The following ZNF800 variants were observed in gnomAD, a reference collection of about 807,000 sequenced individuals.
ZNF800 encodes zinc finger protein 800.
A neutral mutation model predicts 59.5 loss-of-function variants in ZNF800; 13 were observed. That is an observed-to-expected ratio of 0.22 (90% CI 0.14 to 0.35). ZNF800 has a LOEUF of 0.35. Among genes scored for constraint, ZNF800 ranks in the 10% least tolerant of loss-of-function variants. The pLI is 1.00. For missense variants in ZNF800, 621 were observed against 783.7 expected, an observed-to-expected ratio of 0.79 and a Z score of 2.48; for synonymous variants, 266 against 265.7, an observed-to-expected ratio of 1.00 and a Z score of -0.01.
intron 2 of ZNF800, among the ~76,000 whole-genome samples, chr7:127,387,137 A>G (rs1801160143): frequency 6.6e-6 from 1 of 152,198 alleles, no homozygotes; most frequent in Non-Finnish European, 1.5e-5. Context: ...AGATTCTCAG[A>G]CTAGTAGTAT....
downstream of ZNF800, among the ~76,000 whole-genome samples, chr7:127,344,093 G>T (rs1437196906): frequency 6.6e-6 from 1 of 151,942 alleles, no homozygotes; most frequent in Non-Finnish European, 1.5e-5. Flanking sequence ...TTTAACACAT[G>T]AGGTATAAAT....
chr7:127,347,275 T>G (rs1800082923), exon 2 of ZNF800: 1 of 152,132 alleles, frequency 6.6e-6, no homozygotes, highest in South Asian at 2.1e-4. Context: ...TCAACCACAG[T>G]TGTGCATAAC....
Position 127,377,954 on chromosome 7 carries a change from A to G in ZNF800, c.158-625T>C, listed in dbSNP as rs942927228. Among the ~76,000 whole-genome samples, 4 of 151,992 alleles carry G rather than the reference A, an allele frequency of 2.6e-5. No individual in the cohort carries two copies. The highest frequency in any genetic ancestry group is 5.9e-5 in the Non-Finnish European group (4 of 67,920). ...TCTACGAAGTAGAGAATCTTTGTCT[A>G]TACTGAGACATAATTTTGAACTATG... On this transcript the variant is annotated intron_variant, in intron 3 of 5. Transcript: ENST00000265827. The surrounding 1 kb of genome is among the most constrained non-coding windows in gnomAD (Gnocchi z 4.7).
At position 127,392,158 on chromosome 7, in the gene ZNF800, C is replaced by G. The variant is rs910938016; in HGVS notation, c.-157G>C. 2 of 394,786 alleles carry G rather than the reference C, an allele frequency of 5.1e-6. No individual in the cohort carries two copies. The highest frequency in any genetic ancestry group is 8.9e-6 in the Non-Finnish European group (2 of 223,548). The allele number at this position is 394,786 out of a possible 1,614,324, so 24.5% of individuals were successfully genotyped here. A position where few individuals can be genotyped will look rare whatever the true frequency, so the allele number is the denominator to read the frequency against. ...CGTGGGAGGCGGCTGCGGGCCCCAC[C>G]TGGCGCAGCCTCCGCTGACCACGCG... On this transcript the variant is annotated 5_prime_UTR_variant, in exon 1 of 6. Transcript: ENST00000265827.
chr7:127,377,168 T>C lies in ZNF800; in HGVS notation c.301+18A>G, dbSNP rs780629719. On this transcript the variant is annotated intron_variant, in intron 4 of 5. Coordinates refer to ENST00000265827, the MANE Select transcript of ZNF800 (RefSeq NM_176814.5). This position sits in a 1 kb window ranked among gnomAD's most constrained non-coding sequence, Gnocchi z 4.7. ...CTTAGCTGTAAAATGCATAACTGAG[T>C]ATATGAATAAAACTTACTGTCATCC... The C allele has an allele frequency of 2.5e-6, 4 of 1,600,978 alleles. No homozygotes were observed. In the Admixed American group the frequency reaches 6.9e-5, roughly 28 times the overall value.
chr7:127,392,599 CCTCT>C lies in ZNF800; in HGVS notation c.-602_-599del. On this transcript the variant is annotated 5_prime_UTR_variant, in exon 1 of 6. Transcript: ENST00000265827. ...GTTTCAGGAAACTTTATTAAGTCAG[CCTCT>C]CTTTTACTCTGTCGCCCCCTCCTCC... 5.3e-6 allele frequency: 1 copy of C among 187,580 alleles called. No individual in the cohort carries two copies. Among genetic ancestry groups the C allele is most frequent in the Non-Finnish European group, 1.1e-5 (1 of 91,634 alleles). The allele number at this position is 187,580 out of a possible 1,614,324, so 11.6% of individuals were successfully genotyped here. A position where few individuals can be genotyped will look rare whatever the true frequency, so the allele number is the denominator to read the frequency against.
At chr7:127,391,991 C>A (rs1801339268) in intron 1 of ZNF800, 69 bp downstream of exon 1, 3 of 383,976 alleles carry the variant, frequency 7.8e-6, no homozygotes, top group Admixed American at 4.5e-5. Context: ...CGCGCCCTCC[C>A]GCTACGCACG....
chr7:127,386,689 G>C (rs1381124577), intron 2 of ZNF800, among the ~76,000 whole-genome samples: 1 of 152,188 alleles, frequency 6.6e-6, no homozygotes, highest in Non-Finnish European at 1.5e-5. Context: ...GTGCTCTGCA[G>C]CACTGTATAT....
At position 127,371,724 on chromosome 7, in the gene ZNF800, C is replaced by G. The variant is rs1800636429; in HGVS notation, c.*90G>C. ...TGTTTTTCTTTTTTTCCTCATAGTACCATTTGAAGATGTTTAGTGGTTCTA... is the reference window on the plus strand; with the variant it reads ...TGTTTTTCTTTTTTTCCTCATAGTAGCATTTGAAGATGTTTAGTGGTTCTA... On this transcript the variant is annotated 3_prime_UTR_variant, in exon 6 of 6. Coordinates refer to ENST00000265827, the MANE Select transcript of ZNF800 (RefSeq NM_176814.5). 4.5e-6 allele frequency: 3 copies of G among 667,696 alleles called. No homozygotes were observed. Among genetic ancestry groups the G allele is most frequent in the Non-Finnish European group, 8.3e-6 (3 of 363,572 alleles). The allele number at this position is 667,696 out of a possible 1,614,324, so 41.4% of individuals were successfully genotyped here. A position where few individuals can be genotyped will look rare whatever the true frequency, so the allele number is the denominator to read the frequency against.
In ZNF800 at chr7:127,392,276, C is replaced by T. The variant is rs557237635; in HGVS notation, c.-275G>A. 4 of 391,774 alleles carry T rather than the reference C, an allele frequency of 1.0e-5. No individual in the cohort carries two copies. The highest frequency in any genetic ancestry group is 7.3e-5 in the East Asian group (2 of 27,584). 24.3% of individuals were successfully genotyped at this position (391,774 alleles called of 1,614,324 possible). On this transcript the variant is annotated 5_prime_UTR_variant, in exon 1 of 6. Transcript: ENST00000265827. ...CAGCTCACCACGTCCCTCCGCGGGC[C>T]GAGACGACTGCGGCGGCGGCTCACG...
At chr7:127,348,016 G>T (rs1800101875) in exon 2 of ZNF800, 1 of 150,816 alleles carries the variant, frequency 6.6e-6, no homozygotes, top group South Asian at 2.0e-4. Flanking sequence ...GCAGGGCGGC[G>T]GCGCTGCGGG....
chr7:127,372,662 A>T, intron 5 of ZNF800: 3 of 985,278 alleles, frequency 3.0e-6, no homozygotes, highest in South Asian at 9.4e-5. Context: ...CATTGTTTCC[A>T]TAGATCAAAA....
At chr7:127,344,813 A>C (rs1800028206), downstream of ZNF800, among the ~76,000 whole-genome samples, 1 of 152,132 alleles carries the variant, frequency 6.6e-6, no homozygotes, top group African/African-American at 2.4e-5. Flanking sequence ...AAATATTTAG[A>C]CCCTTAATCA....
intron 3 of ZNF800, among the ~76,000 whole-genome samples, chr7:127,384,227 CTTTTTTTTTTTT>C (rs577977623): frequency 7.9e-5 from 5 of 63,392 alleles, no homozygotes; most frequent in South Asian, 1.3e-3. Flanking sequence ...ATTCTAACTT[CTTTTTTTTTTTT>C]TTTTTTTTTT....
intron 1 of ZNF800, among the ~76,000 whole-genome samples, chr7:127,349,025 CATT>C (rs2117011610): frequency 6.6e-6 from 1 of 151,628 alleles, no homozygotes; most frequent in African/African-American, 2.4e-5. Context: ...TCTTTTGTGA[CATT>C]ATATCTTATT....
At chr7:127,369,188 CTT>C (rs1432738876), downstream of ZNF800, among the ~76,000 whole-genome samples, 4 of 152,168 alleles carry the variant, frequency 2.6e-5, no homozygotes, top group East Asian at 7.7e-4. Flanking sequence ...TCCCACCACA[CTT>C]AGGAATGGAA....
At chr7:127,346,977 C>G (rs538311107) in exon 2 of ZNF800, 2 of 152,482 alleles carry the variant, frequency 1.3e-5, no homozygotes, top group Admixed American at 1.3e-4. Context: ...ACCAACACCC[C>G]GTGCTGTGCC....
At position 127,370,440 on chromosome 7, in the gene ZNF800, C is replaced by T. The variant is rs182402709; in HGVS notation, c.*1374G>A. ...CATGTACATTCAATATAGAACATTT[C>T]CAGCAATAGTTACAGTCTTTCTAGT... On this transcript the variant is annotated 3_prime_UTR_variant, in exon 6 of 6. Coordinates refer to ENST00000265827, the MANE Select transcript of ZNF800 (RefSeq NM_176814.5). 2.3e-4 allele frequency: 35 copies of T among 152,678 alleles called. No individual in the cohort carries two copies. In the East Asian group the frequency reaches 6.4e-3, roughly 28 times the overall value. The allele number at this position is 152,678 out of a possible 1,614,324, so 9.5% of individuals were successfully genotyped here.
Position 127,374,399 on chromosome 7 carries a change from G to A in ZNF800, c.937C>T (p.Leu313=). The A allele has an allele frequency of 6.2e-7, 1 of 1,613,886 alleles. No individual in the cohort carries two copies. Among genetic ancestry groups the A allele is most frequent in the South Asian group, 1.1e-5 (1 of 91,076 alleles). The change falls in exon 5 of 6, where the codon CTA becomes TTA. Residue 313 remains leucine (L), a synonymous_variant. Coordinates refer to ENST00000265827, the MANE Select transcript of ZNF800 (RefSeq NM_176814.5). The part of the protein sequence containing the change: ...RRHFDEVHRG[L]RRDSITPDIA... Reference sequence around the variant, plus strand: ...TCAGGAGTAATTGAATCCCTCCTTAGTCCTCTATGAACTTCATCAAAATGC... The same window carrying A: ...TCAGGAGTAATTGAATCCCTCCTTAATCCTCTATGAACTTCATCAAAATGC...
Sources: gnomAD v4.1 joint callset for allele counts (sites outside exome capture counted in the v4.1 genomes callset) on GRCh38, gnomAD v4.1.1 for gene constraint, Gnocchi (gnomAD v3.1) non-coding constraint, MANE v1.5 for transcripts, NCBI Gene and HGNC (gene_info 2026-07-23, HGNC 2026-07-21) for gene names.